Variants in LRRC4C observed in about 807,000 individuals in gnomAD.
The protein encoded by LRRC4C is leucine rich repeat containing 4C.
A neutral mutation model predicts 33.6 loss-of-function variants in LRRC4C; 5 were observed. That is an observed-to-expected ratio of 0.15 (90% CI 0.08 to 0.31). LRRC4C has a LOEUF of 0.31. Among genes scored for constraint, LRRC4C ranks in the 10% least tolerant of loss-of-function variants. LRRC4C has a pLI of 1.00. For missense variants in LRRC4C, 560 were observed against 796.7 expected (o/e 0.70, Z 3.58); for synonymous variants, 329 against 302.0 (o/e 1.09, Z -0.93).
At chr11:40,762,410 G>A (rs569682331) in intron 2 of LRRC4C, among the ~76,000 whole-genome samples, 274 of 152,198 alleles carry the variant, frequency 1.8e-3, no homozygotes, top group Middle Eastern at 0.01. Context: ...TCTGATTCAA[G>A]ACACTGTTGA....
At chr11:40,313,554 A>C (rs1187068669) in intron 4 of LRRC4C, among the ~76,000 whole-genome samples, 3 of 149,866 alleles carry the variant, frequency 2.0e-5, no homozygotes, top group Non-Finnish European at 3.0e-5. Context: ...TGTAAGACCC[A>C]AAACTATGAA....
At chr11:40,695,270 C>T (rs1014757623) in intron 2 of LRRC4C, among the ~76,000 whole-genome samples, 11 of 152,084 alleles carry the variant, frequency 7.2e-5, no homozygotes, top group African/African-American at 2.2e-4. Context: ...TAAGTATACT[C>T]GGACTAGTTT....
intron 1 of LRRC4C, among the ~76,000 whole-genome samples, chr11:41,453,661 T>C (rs2138666805): frequency 6.7e-6 from 1 of 149,948 alleles, no homozygotes; most frequent in Admixed American, 6.6e-5. Flanking sequence ...TTTGTGTGTA[T>C]GTGTGTGTGT....
At chr11:40,364,525 A>C (rs1948119293) in intron 3 of LRRC4C, among the ~76,000 whole-genome samples, 2 of 152,140 alleles carry the variant, frequency 1.3e-5, no homozygotes, top group South Asian at 4.1e-4. Flanking sequence ...ACCTAGAATG[A>C]AATTCACATT....
intron 1 of LRRC4C, among the ~76,000 whole-genome samples, chr11:41,152,607 A>C (rs1208376846): frequency 6.6e-6 from 1 of 152,198 alleles, no homozygotes; most frequent in East Asian, 1.9e-4. Context: ...ACATATGGTA[A>C]TTCACCTCCA....
rs141444619 is a variant in LRRC4C, at chr11:40,151,636, A to C, written c.-95-10783T>G. ...TAGAGACAAAAAATGGAAATATGCT[A>C]CAGTTGTGCTAAAGTTTATAAAGTG... On this transcript the variant is annotated intron_variant, in intron 5 of 6. Transcript: ENST00000528697. 2.6e-4 allele frequency among the ~76,000 whole-genome samples: 40 copies of C among 152,348 alleles called. No homozygotes were observed. In the East Asian group the frequency reaches 6.6e-3, roughly 25 times the overall value.
At chr11:40,149,811 C>T (rs143330496) in intron 5 of LRRC4C, among the ~76,000 whole-genome samples, 6 of 152,208 alleles carry the variant, frequency 3.9e-5, no homozygotes, top group Middle Eastern at 3.4e-3. Context: ...GAATGTTGTA[C>T]TTAAAGAATA....
chr11:40,162,298 T>C (rs1565073244), intron 5 of LRRC4C, among the ~76,000 whole-genome samples: 1 of 152,094 alleles, frequency 6.6e-6, no homozygotes, highest in East Asian at 1.9e-4. Context: ...GCTCAAACAT[T>C]TTGGCATTTT....
chr11:40,931,653 G>GT (rs1957628581), intron 2 of LRRC4C, among the ~76,000 whole-genome samples: 2 of 150,824 alleles, frequency 1.3e-5, no homozygotes, highest in Non-Finnish European at 3.0e-5. Context: ...AAGGATAAAG[G>GT]GGTGTGTATG....
At chr11:40,946,403 T>C (rs1456395541) in intron 1 of LRRC4C, among the ~76,000 whole-genome samples, 1 of 152,154 alleles carries the variant, frequency 6.6e-6, no homozygotes, top group African/African-American at 2.4e-5. Flanking sequence ...CGTATCAGTG[T>C]ATGTATCTTT....
In LRRC4C at chr11:40,121,338, A is replaced by G. The variant is rs188933021; in HGVS notation, c.-42-5004T>C. Among the ~76,000 whole-genome samples the G allele has an allele frequency of 3.6e-3, 552 of 152,356 alleles. 3 individuals carry two copies. Among genetic ancestry groups the G allele is most frequent in the Admixed American group, 8.6e-3 (132 of 15,306 alleles). On this transcript the variant is annotated intron_variant, in intron 6 of 6. Coordinates refer to ENST00000528697, the MANE Select transcript of LRRC4C (RefSeq NM_001258419.2). ...AGTCATAAGTAATACTTTAAGAATT[A>G]TAGCTGGTTCAAAGCTAATTTATAA...
At chr11:40,544,003 G>A (rs188724309) in intron 3 of LRRC4C, among the ~76,000 whole-genome samples, 3 of 152,126 alleles carry the variant, frequency 2.0e-5, no homozygotes, top group East Asian at 1.9e-4. Context: ...ATATATAGAC[G>A]GTTGATAGAG....
intron 1 of LRRC4C, among the ~76,000 whole-genome samples, chr11:41,377,999 T>G (rs1953002745): frequency 6.6e-6 from 1 of 152,164 alleles, no homozygotes; most frequent in Admixed American, 6.6e-5. Context: ...TGTTAATGTT[T>G]AACTCCATGT....
intron 2 of LRRC4C, among the ~76,000 whole-genome samples, chr11:40,812,954 A>G (rs1951554087): frequency 6.6e-6 from 1 of 152,220 alleles, no homozygotes; most frequent in East Asian, 1.9e-4. Context: ...GAAAAAAAAT[A>G]CATGATGATA....
chr11:40,267,598 G>T (rs549711633), intron 4 of LRRC4C, among the ~76,000 whole-genome samples: 113 of 152,194 alleles, frequency 7.4e-4, no homozygotes, highest in African/African-American at 2.5e-3. Context: ...TGATCTTCCC[G>T]CCTCGGCCTC....
At chr11:41,403,482 G>A (rs1954101681) in intron 1 of LRRC4C, among the ~76,000 whole-genome samples, 1 of 151,984 alleles carries the variant, frequency 6.6e-6, no homozygotes, top group African/African-American at 2.4e-5. Context: ...ACAGGACAAA[G>A]AACCCCATGT....
chr11:40,335,699 T>C (rs1019504852), intron 3 of LRRC4C, among the ~76,000 whole-genome samples: 2 of 152,222 alleles, frequency 1.3e-5, no homozygotes, highest in Non-Finnish European at 2.9e-5. Flanking sequence ...AGACTTCACT[T>C]TTTATAAGGG....
intron 1 of LRRC4C, among the ~76,000 whole-genome samples, chr11:41,422,191 C>T (rs1249834006): frequency 6.6e-6 from 1 of 151,970 alleles, no homozygotes; most frequent in Non-Finnish European, 1.5e-5. Context: ...GCCTTTTCCA[C>T]AGTGATGGGA....
chr11:40,657,057 A>T (rs1253353321), intron 2 of LRRC4C, among the ~76,000 whole-genome samples: 1 of 152,210 alleles, frequency 6.6e-6, no homozygotes, highest in African/African-American at 2.4e-5. Flanking sequence ...AAAGTGTAAA[A>T]AACCATTTTT....
Sources: allele counts gnomAD v4.1 joint callset (sites outside exome capture counted in the v4.1 genomes callset), GRCh38; gene constraint gnomAD v4.1.1; transcripts MANE v1.5; gene names NCBI Gene and HGNC (gene_info 2026-07-23, HGNC 2026-07-21).